REPS1: variants seen among roughly 807,000 people sequenced by gnomAD.
REPS1 encodes ralBP1-associated Eps domain-containing protein 1.
REPS1 carries 39 observed loss-of-function variants against 100.9 expected under a neutral mutation model. That is an observed-to-expected ratio of 0.39 (90% CI 0.30 to 0.50). The LOEUF is 0.50. Among genes scored for constraint, REPS1 ranks in the 20% least tolerant of loss-of-function variants. REPS1 has a pLI of 0.86. For missense variants in REPS1, 821 were observed against 968.5 expected, an observed-to-expected ratio of 0.85 and a Z score of 2.02; for synonymous variants, 324 against 340.3, an observed-to-expected ratio of 0.95 and a Z score of 0.53.
intron 1 of REPS1, among the ~76,000 whole-genome samples, chr6:138,974,078 G>A (rs1331792194): frequency 6.6e-6 from 1 of 152,022 alleles, no homozygotes; most frequent in African/African-American, 2.4e-5. Flanking sequence ...ACATACCCTG[G>A]AGCACAGCAG....
chr6:138,971,426 C>T (rs1344992690), intron 1 of REPS1, among the ~76,000 whole-genome samples: 1 of 151,884 alleles, frequency 6.6e-6, no homozygotes, highest in African/African-American at 2.4e-5. Context: ...CACTTGCAGC[C>T]AGGCACACTG....
chr6:138,926,177 T>C (rs543131519), intron 10 of REPS1, among the ~76,000 whole-genome samples: 1 of 152,158 alleles, frequency 6.6e-6, no homozygotes, highest in African/African-American at 2.4e-5. Flanking sequence ...TCTAGACACA[T>C]GTACCAGATT....
intron 19 of REPS1, 82 bp downstream of exon 19, chr6:138,907,413 G>A (rs1779732920): frequency 1.1e-6 from 1 of 902,272 alleles, no homozygotes; most frequent in Non-Finnish European, 1.8e-6. Flanking sequence ...TGTGATCTTG[G>A]AGGTATCTGA....
intron 12 of REPS1, 112 bp from the exon 13 acceptor site, chr6:138,917,739 T>C (rs1198263445): frequency 3.8e-6 from 3 of 795,476 alleles, no homozygotes; most frequent in East Asian, 2.7e-5. Context: ...TAGTCAAAGA[T>C]TGGCTAATAG....
intron 9 of REPS1, chr6:138,928,805 A>G (rs1175661622): frequency 6.6e-6 from 1 of 152,244 alleles, no homozygotes; most frequent in African/African-American, 2.4e-5. Flanking sequence ...CTCAACAATT[A>G]CCTTACTTTC....
rs1374865010 is a variant in REPS1, at chr6:138,920,930, T to C, written c.1426+107A>G. 4.0e-6 allele frequency: 3 copies of C among 755,128 alleles called. No homozygotes were observed. In the South Asian group the frequency reaches 4.8e-5, roughly 12 times the overall value. 46.8% of individuals were successfully genotyped at this position (755,128 alleles called of 1,614,324 possible). On this transcript the variant is annotated intron_variant, in intron 11 of 19. Coordinates refer to ENST00000450536, the MANE Select transcript of REPS1 (RefSeq NM_001286611.2). ...TGAACATATACATAATTGTAGAAAG[T>C]ACTAGCTTAAAAAATAAGCGATGAA...
At chr6:138,905,324 G>A (rs1779561665) in intron 19 of REPS1, among the ~76,000 whole-genome samples, 192 bp from the exon 20 acceptor site, 1 of 152,132 alleles carries the variant, frequency 6.6e-6, no homozygotes, top group Non-Finnish European at 1.5e-5. Context: ...TCGCTCTGTC[G>A]CCCAGGCCGG....
Position 138,907,513 on chromosome 6 carries a change from T to A in REPS1, c.2304A>T (p.Glu768Asp). ...TNTVLARLNS[E>D]LQQQLKDVLE... ...ATATTACCTTTAATTGTTGCTGCAA[T>A]TCGCTATTCAATCTGGCCAAAACGG... The change falls in exon 19 of 20, where the codon GAA becomes GAT. Residue 768 changes from glutamate to aspartate, a missense_variant. Transcript: ENST00000450536. The A allele has an allele frequency of 6.2e-7, 1 of 1,611,542 alleles. No homozygotes were observed.
intron 1 of REPS1, among the ~76,000 whole-genome samples, chr6:138,980,631 T>A (rs1210388024): frequency 6.9e-6 from 1 of 144,044 alleles, no homozygotes; most frequent in Non-Finnish European, 1.5e-5. Flanking sequence ...TACCACCCAA[T>A]GATTCTCTAT....
intron 7 of REPS1, 79 bp downstream of exon 7, chr6:138,943,431 ATTT>A (rs953463849): frequency 1.2e-6 from 1 of 814,782 alleles, no homozygotes; most frequent in Non-Finnish European, 2.0e-6. Context: ...TTAGTTGTTT[ATTT>A]TTTAAGGCTC....
chr6:138,945,749 T>G, intron 2 of REPS1, 52 bp from the exon 3 acceptor site: 2 of 1,345,130 alleles, frequency 1.5e-6, no homozygotes, highest in Non-Finnish European at 2.0e-6. Context: ...ACATATATAT[T>G]GAAAACTAAA....
chr6:138,930,843 C>T (rs1185558285), intron 8 of REPS1, among the ~76,000 whole-genome samples: 1 of 152,174 alleles, frequency 6.6e-6, no homozygotes, highest in Non-Finnish European at 1.5e-5. Context: ...CTCACTAGCA[C>T]TTACAGACTT....
At chr6:138,956,716 A>G (rs1185413910) in intron 1 of REPS1, among the ~76,000 whole-genome samples, 2 of 151,786 alleles carry the variant, frequency 1.3e-5, no homozygotes, top group Non-Finnish European at 2.9e-5. Context: ...CAGTTTTTCT[A>G]TTGCCTCATC....
At chr6:138,964,416 T>A (rs1351842271) in intron 1 of REPS1, among the ~76,000 whole-genome samples, 1 of 152,100 alleles carries the variant, frequency 6.6e-6, no homozygotes, top group Non-Finnish European at 1.5e-5. Flanking sequence ...ATAAGAAATA[T>A]ATAAAATTCA....
intron 10 of REPS1, among the ~76,000 whole-genome samples, chr6:138,923,343 A>T (rs1473173906): frequency 6.6e-6 from 1 of 152,236 alleles, no homozygotes; most frequent in Non-Finnish European, 1.5e-5. Flanking sequence ...TTCATGAGAA[A>T]ATAAGTCTTA....
At chr6:138,916,744 A>AT (rs1478373344) in intron 13 of REPS1, among the ~76,000 whole-genome samples, 2 of 152,190 alleles carry the variant, frequency 1.3e-5, no homozygotes, top group Non-Finnish European at 2.9e-5. Flanking sequence ...AGAGGTGACT[A>AT]TGCTCAAACT....
At chr6:138,917,355 A>G (rs1780468149) in intron 13 of REPS1, among the ~76,000 whole-genome samples, 200 bp downstream of exon 13, 1 of 152,272 alleles carries the variant, frequency 6.6e-6, no homozygotes, top group African/African-American at 2.4e-5. Context: ...CTTCCACAAC[A>G]TACCATTTAG....
intron 12 of REPS1, among the ~76,000 whole-genome samples, chr6:138,918,699 A>G (rs1392388713): frequency 1.3e-5 from 2 of 152,234 alleles, no homozygotes; most frequent in African/African-American, 4.8e-5. Context: ...TAAAAATTTG[A>G]CATGGGAATA....
intron 1 of REPS1, among the ~76,000 whole-genome samples, chr6:138,968,100 A>T (rs1471333583): frequency 6.6e-6 from 1 of 152,240 alleles, no homozygotes; most frequent in African/African-American, 2.4e-5. Context: ...ATGTGATTCC[A>T]TCACAAGTTG....
Sources: gnomAD v4.1 joint callset for allele counts (sites outside exome capture counted in the v4.1 genomes callset) on GRCh38, gnomAD v4.1.1 for gene constraint, MANE v1.5 for transcripts, NCBI Gene and HGNC (gene_info 2026-07-23, HGNC 2026-07-21) for gene names.